The following RAD17 variants were observed in gnomAD, a reference collection of about 807,000 sequenced individuals.
RAD17 encodes RAD17 checkpoint clamp loader component.
A neutral mutation model predicts 81.5 loss-of-function variants in RAD17; 31 were observed. That is an observed-to-expected ratio of 0.38 (90% CI 0.29 to 0.51). The LOEUF is 0.51. Among genes scored for constraint, RAD17 ranks in the 20% least tolerant of loss-of-function variants. The pLI is 0.88. For missense variants in RAD17, 681 were observed against 781.2 expected, an observed-to-expected ratio of 0.87 and a Z score of 1.53; for synonymous variants, 261 against 266.2, an observed-to-expected ratio of 0.98 and a Z score of 0.19.
rs763760516 is a variant in RAD17, at chr5:69,389,110, G to C, written c.971G>C (p.Ser324Thr). The C allele has an allele frequency of 4.4e-6, 7 of 1,589,358 alleles. No homozygotes were observed. The highest frequency in any genetic ancestry group is 5.1e-6 in the Non-Finnish European group (6 of 1,167,342). The change falls in exon 12 of 19, where the codon AGT becomes ACT. Residue 324 changes from serine (S) to threonine (T), a missense_variant. Physicochemically the swap from Ser to Thr is moderately conservative, Grantham distance 58. Coordinates refer to ENST00000354868, the MANE Select transcript of RAD17 (RefSeq NM_133338.3). ...CAGGGATGTTCTGGTGATATCAGAA[G>C]TGCAATAAACAGCCTCCAGTTTTCT... ...LCQGCSGDIR[S>T]AINSLQFSSS...
intron 17 of RAD17, 36 bp from the exon 18 acceptor site, chr5:69,410,457 G>T: frequency 6.4e-7 from 1 of 1,552,204 alleles, no homozygotes; most frequent in South Asian, 1.1e-5. Flanking sequence ...ATTTTCTTTG[G>T]AAAATTGTTT....
At chr5:69,389,381 T>C (rs1390394149) in intron 12 of RAD17, among the ~76,000 whole-genome samples, 1 of 152,226 alleles carries the variant, frequency 6.6e-6, no homozygotes, top group African/African-American at 2.4e-5. Context: ...AAAGTTAACT[T>C]AGAACCAGAT....
At chr5:69,369,513 G>C (rs1336430260), upstream of RAD17, 2 of 1,611,070 alleles carry the variant, frequency 1.2e-6, no homozygotes, top group Admixed American at 3.3e-5. Flanking sequence ...GACGGCTTCG[G>C]GCGCCTCGCT....
At chr5:69,398,033 C>T (rs762742477) in intron 16 of RAD17, among the ~76,000 whole-genome samples, 5 of 151,978 alleles carry the variant, frequency 3.3e-5, no homozygotes, top group African/African-American at 1.2e-4. Context: ...AGGAGAATGG[C>T]GTGAACCCAG....
At chr5:69,391,388 TAGA>T (rs1764549538) in intron 12 of RAD17, among the ~76,000 whole-genome samples, 1 of 152,342 alleles carries the variant, frequency 6.6e-6, no homozygotes, top group Admixed American at 6.5e-5. Context: ...TTTTTGGGAA[TAGA>T]AGGATTGCAG....
At chr5:69,407,809 C>T (rs185523695) in intron 17 of RAD17, among the ~76,000 whole-genome samples, 1 of 152,276 alleles carries the variant, frequency 6.6e-6, no homozygotes, top group East Asian at 1.9e-4. Flanking sequence ...GCCTCGGCCT[C>T]CCAAAGTGCT....
At chr5:69,398,533 G>A (rs575125046) in intron 16 of RAD17, among the ~76,000 whole-genome samples, 20 of 152,008 alleles carry the variant, frequency 1.3e-4, no homozygotes, top group African/African-American at 2.7e-4. Context: ...TCGGCTGGGC[G>A]CTGTGACTCA....
chr5:69,405,538 A>C (rs1299889937), intron 17 of RAD17, among the ~76,000 whole-genome samples: 2 of 152,070 alleles, frequency 1.3e-5, no homozygotes, highest in African/African-American at 2.4e-5. Flanking sequence ...GTGGTGGCAC[A>C]TGCCTGTAAT....
Position 69,392,021 on chromosome 5 carries a change from A to T in RAD17, c.1189+8A>T. On this transcript the variant is annotated splice_region_variant and intron_variant, in intron 13 of 18. Transcript: ENST00000354868. ...AAATTCTATATTGTAAAAGTAAGAA[A>T]TTTTTACACTTTTAAAATCTGTTGG... 1 of 1,506,928 alleles carries T rather than the reference A, an allele frequency of 6.6e-7. No homozygotes were observed. The highest frequency in any genetic ancestry group is 1.3e-5 in the South Asian group (1 of 76,806). The allele number at this position is 1,506,928 out of a possible 1,614,324, so 93.3% of individuals were successfully genotyped here.
chr5:69,398,707 G>T (rs17230137), intron 16 of RAD17, among the ~76,000 whole-genome samples: 1 of 151,624 alleles, frequency 6.6e-6, no homozygotes, highest in African/African-American at 2.4e-5. Flanking sequence ...TCAGGAGGCC[G>T]AAGCAGGAGA....
chr5:69,373,685 AATTTTTT>A (rs1245138759), intron 4 of RAD17, 138 bp from the exon 5 acceptor site: 13 of 380,058 alleles, frequency 3.4e-5, no homozygotes, highest in South Asian at 7.1e-5. Flanking sequence ...GTCTCAAAAA[AATTTTTT>A]TTTTTTTTTT....
At chr5:69,400,304 G>T in intron 17 of RAD17, 135 bp downstream of exon 17, 1 of 510,740 alleles carries the variant, frequency 2.0e-6, no homozygotes, top group Non-Finnish European at 2.9e-6. Context: ...TGCAACCTCT[G>T]CCTCCTGGGT....
intron 2 of RAD17, 103 bp from the exon 3 acceptor site, chr5:69,371,351 A>G (rs545928840): frequency 4.0e-6 from 2 of 499,292 alleles, no homozygotes; most frequent in Non-Finnish European, 7.3e-6. Context: ...CTAGTTCTTG[A>G]GCCTTTATTG....
rs1451575467 is a variant in RAD17, at chr5:69,391,240, A to AT, written c.1007-591_1007-590insT. Among the ~76,000 whole-genome samples, 46 of 152,212 alleles carry AT rather than the reference A, an allele frequency of 3.0e-4. 2 individuals are homozygous for AT. The highest frequency in any genetic ancestry group is 1.2e-3 in the East Asian group (6 of 5,184). ...GCGAGACTCCATCTCAAAAAAAAAA[A>AT]AAAAAAATTCTCCCTTCACAGGGTT... On this transcript the variant is annotated intron_variant, in intron 12 of 18. Transcript: ENST00000354868.
chr5:69,374,518 T>TA, intron 5 of RAD17, 110 bp from the exon 6 acceptor site: 1 of 633,222 alleles, frequency 1.6e-6, no homozygotes, highest in Non-Finnish European at 2.7e-6. Flanking sequence ...TATAGATTGT[T>TA]ACTGATTTGC....
intron 16 of RAD17, among the ~76,000 whole-genome samples, chr5:69,399,299 C>T (rs112318207): frequency 3.7e-4 from 57 of 152,128 alleles, no homozygotes; most frequent in African/African-American, 1.3e-3. Context: ...CATATTTCTG[C>T]GTAGCAACAA....
intron 12 of RAD17, among the ~76,000 whole-genome samples, chr5:69,391,072 G>C (rs1232365485): frequency 1.3e-5 from 2 of 151,698 alleles, no homozygotes; most frequent in African/African-American, 4.8e-5. Flanking sequence ...CCTCATCTCT[G>C]CTAAAAATAC....
chr5:69,372,060 A>T lies in RAD17; in HGVS notation c.-149A>T. The T allele has an allele frequency of 7.4e-7, 1 of 1,342,452 alleles. No individual in the cohort carries two copies. 83.2% of individuals were successfully genotyped at this position (1,342,452 alleles called of 1,614,324 possible). A position where few individuals can be genotyped will look rare whatever the true frequency, so the allele number is the denominator to read the frequency against. ...ATATGGGAGTCCACATTTATGTAAGAAATGAAACTATAAAATGTATAAATA... is the reference window on the plus strand; with the variant it reads ...ATATGGGAGTCCACATTTATGTAAGTAATGAAACTATAAAATGTATAAATA... On this transcript the variant is annotated 5_prime_UTR_variant, in exon 4 of 19. Coordinates refer to ENST00000354868, the MANE Select transcript of RAD17 (RefSeq NM_133338.3).
At position 69,414,268 on chromosome 5, in the gene RAD17, A is replaced by G; in HGVS notation, c.1989A>G (p.Glu663=). 1 of 1,614,146 alleles carries G rather than the reference A, an allele frequency of 6.2e-7. No homozygotes were observed. The highest frequency in any genetic ancestry group is 8.5e-7 in the Non-Finnish European group (1 of 1,179,978). Residue 663 remains glutamate (E), a synonymous_variant, in exon 19 of 19, where the codon GAA becomes GAG. Coordinates refer to ENST00000354868, the MANE Select transcript of RAD17 (RefSeq NM_133338.3). Reference sequence around the variant, plus strand: ...ACATGGAAGAAAACATAATAATAGAAGACTACGAGAGTGATGGGACATAGA... The same window carrying G: ...ACATGGAAGAAAACATAATAATAGAGGACTACGAGAGTGATGGGACATAGA... ...QGDMEENIII[E]DYESDGT
Sources: gnomAD v4.1 joint callset for allele counts (sites outside exome capture counted in the v4.1 genomes callset) on GRCh38, gnomAD v4.1.1 for gene constraint, MANE v1.5 for transcripts, NCBI Gene and HGNC (gene_info 2026-07-23, HGNC 2026-07-21) for gene names.